VPS53: variants seen among roughly 807,000 people sequenced by gnomAD.
VPS53 encodes vacuolar protein sorting-associated protein 53 homolog.
A neutral mutation model predicts 107.0 loss-of-function variants in VPS53; 70 were observed. The observed-to-expected ratio is 0.65, with a 90% CI of 0.54 to 0.80. VPS53 has a LOEUF of 0.80. VPS53 is among the 30% of genes least tolerant of loss of function. The pLI is 0.00. For missense variants in VPS53, 917 were observed against 1,049.4 expected (o/e 0.87, Z 1.74); for synonymous variants, 409 against 393.3 (o/e 1.04, Z -0.47).
chr17:569,286 G>C (rs945908123), intron 13 of VPS53, among the ~76,000 whole-genome samples: 5 of 152,178 alleles, frequency 3.3e-5, no homozygotes, highest in Non-Finnish European at 5.9e-5. Context: ...GGAAAAACTG[G>C]TGAAGTTCAA....
intron 12 of VPS53, among the ~76,000 whole-genome samples, chr17:597,859 C>A (rs904910539): frequency 5.3e-5 from 8 of 152,032 alleles, no homozygotes; most frequent in Non-Finnish European, 2.9e-5. Context: ...CATGAGCCAC[C>A]ATTCCCGGCC....
intron 11 of VPS53, among the ~76,000 whole-genome samples, chr17:614,156 T>G (rs180676302): frequency 1.6e-4 from 25 of 152,318 alleles, no homozygotes; most frequent in Non-Finnish European, 3.1e-4. Flanking sequence ...GGATTTCTTC[T>G]GGGGTAACAG....
At position 575,097 on chromosome 17, in the gene VPS53, C is replaced by T. The variant is rs546457513; in HGVS notation, c.1313+11173G>A. On this transcript the variant is annotated intron_variant, in intron 13 of 21. Coordinates refer to ENST00000437048, the MANE Select transcript of VPS53 (RefSeq NM_001128159.3). ...TACTGGGTCTTTGCAAGGCAAATGA[C>T]GGCAAGGCAACTTGCCTTTGGTGGT... Among the ~76,000 whole-genome samples, 508 of 152,206 alleles carry T rather than the reference C, an allele frequency of 3.3e-3. 4 individuals carry two copies. The highest frequency in any genetic ancestry group is 7.3e-3 in the Admixed American group (112 of 15,298).
At chr17:682,261 A>C (rs569460204) in intron 4 of VPS53, among the ~76,000 whole-genome samples, 222 of 152,308 alleles carry the variant, frequency 1.5e-3, no homozygotes, top group African/African-American at 5.0e-3. Context: ...AACTTGCCAT[A>C]CTATATGCTG....
intron 13 of VPS53, among the ~76,000 whole-genome samples, chr17:569,144 TG>T (rs1253540840): frequency 1.3e-5 from 2 of 151,828 alleles, no homozygotes; most frequent in African/African-American, 4.8e-5. Context: ...AGGAAGGAGG[TG>T]CTCAAAAAAT....
intron 1 of VPS53, chr17:714,286 G>A (rs1007488022): frequency 6.6e-6 from 2 of 302,146 alleles, no homozygotes; most frequent in Admixed American, 4.8e-5. Context: ...GCACGAGTCT[G>A]GTAAATGCAT....
At chr17:626,497 A>T (rs1352478936) in intron 10 of VPS53, among the ~76,000 whole-genome samples, 2 of 152,126 alleles carry the variant, frequency 1.3e-5, no homozygotes, top group Admixed American at 6.5e-5. Flanking sequence ...AACGTGGTGA[A>T]ACCCCATCTC....
At chr17:702,151 G>A (rs888780099) in intron 2 of VPS53, among the ~76,000 whole-genome samples, 4 of 152,136 alleles carry the variant, frequency 2.6e-5, no homozygotes, top group African/African-American at 9.7e-5. Context: ...CCAAGAGTTA[G>A]AGACCAACCT....
intron 1 of VPS53, among the ~76,000 whole-genome samples, 165 bp from the exon 2 acceptor site, chr17:710,778 A>G (rs1296979026): frequency 2.0e-5 from 3 of 152,030 alleles, no homozygotes; most frequent in African/African-American, 4.8e-5. Flanking sequence ...TCAGGTCTCT[A>G]CTAAAAATAA....
intron 19 of VPS53, among the ~76,000 whole-genome samples, chr17:527,706 T>G (rs1375969841): frequency 6.6e-6 from 1 of 152,186 alleles, no homozygotes; most frequent in Non-Finnish European, 1.5e-5. Flanking sequence ...CTTGAACTCC[T>G]TGGCTCAACT....
intron 4 of VPS53, among the ~76,000 whole-genome samples, chr17:670,152 G>C (rs952925002): frequency 2.6e-5 from 4 of 152,090 alleles, no homozygotes; most frequent in Non-Finnish European, 5.9e-5. Flanking sequence ...TTATAAAGCG[G>C]CGACTGTGTT....
chr17:630,304 C>A (rs1327572855), intron 8 of VPS53, among the ~76,000 whole-genome samples: 2 of 150,936 alleles, frequency 1.3e-5, no homozygotes, highest in African/African-American at 4.9e-5. Flanking sequence ...AAAAAACAAA[C>A]AAACAAACAA....
intron 7 of VPS53, among the ~76,000 whole-genome samples, chr17:632,355 T>G (rs921599240): frequency 4.6e-5 from 7 of 152,072 alleles, no homozygotes; most frequent in Non-Finnish European, 8.8e-5. Flanking sequence ...TCCATAATGT[T>G]TTAGGGTGTT....
At chr17:551,426 G>C (rs1479645901) in intron 17 of VPS53, among the ~76,000 whole-genome samples, 1 of 152,020 alleles carries the variant, frequency 6.6e-6, no homozygotes, top group Non-Finnish European at 1.5e-5. Context: ...AAAGTAGTTG[G>C]ACACAGTGGC....
At chr17:560,625 T>C (rs1333173112) in intron 14 of VPS53, 52 bp from the exon 15 acceptor site, 2 of 1,588,318 alleles carry the variant, frequency 1.3e-6, no homozygotes, top group Admixed American at 1.8e-5. Flanking sequence ...ATTTGCTTCC[T>C]GAACTGGAAA....
chr17:550,221 C>G (rs1156785772), intron 17 of VPS53, among the ~76,000 whole-genome samples: 1 of 152,130 alleles, frequency 6.6e-6, no homozygotes, highest in Non-Finnish European at 1.5e-5. Flanking sequence ...GCTCAACACC[C>G]CAAAGGAAAC....
chr17:652,965 T>C (rs1490969982), intron 7 of VPS53, among the ~76,000 whole-genome samples: 1 of 152,264 alleles, frequency 6.6e-6, no homozygotes, highest in Admixed American at 6.5e-5. Context: ...GTGAACACGC[T>C]GAGCTAAGTG....
At chr17:604,155 G>A (rs776828902) in intron 11 of VPS53, among the ~76,000 whole-genome samples, 1 of 152,166 alleles carries the variant, frequency 6.6e-6, no homozygotes, top group Non-Finnish European at 1.5e-5. Flanking sequence ...GATGGGCCTC[G>A]TTTTTAAAAC....
At chr17:611,626 T>C (rs1012964661) in intron 11 of VPS53, among the ~76,000 whole-genome samples, 2 of 152,270 alleles carry the variant, frequency 1.3e-5, no homozygotes, top group Non-Finnish European at 2.9e-5. Flanking sequence ...CGAAAACCTG[T>C]ACAAATATTC....
Sources: gnomAD v4.1 joint callset for allele counts (sites outside exome capture counted in the v4.1 genomes callset) on GRCh38, gnomAD v4.1.1 for gene constraint, MANE v1.5 for transcripts, NCBI Gene and HGNC (gene_info 2026-07-23, HGNC 2026-07-21) for gene names.